Variants in MAGI1 observed in about 807,000 individuals in gnomAD.
MAGI1 encodes membrane associated guanylate kinase, WW and PDZ domain containing 1.
In MAGI1, 58 loss-of-function variants were observed where a neutral mutation model predicts 139.9. The observed-to-expected ratio is 0.41, with a 90% confidence interval of 0.34 to 0.52. The LOEUF is 0.52. Among genes scored for constraint, MAGI1 ranks in the 20% least tolerant of loss-of-function variants. The pLI is 0.12. For missense variants in MAGI1, 1,874 were observed against 1,901.6 expected, an observed-to-expected ratio of 0.99 and a Z score of 0.27; for synonymous variants, 812 against 737.9, an observed-to-expected ratio of 1.10 and a Z score of -1.63.
intron 1 of MAGI1, among the ~76,000 whole-genome samples, chr3:65,887,801 T>C (rs1382525325): frequency 2.0e-5 from 3 of 152,176 alleles, no homozygotes; most frequent in Admixed American, 6.5e-5. Flanking sequence ...ATATGGTACA[T>C]TGCCCATTAT....
At chr3:65,601,103 G>A (rs1430041700) in intron 2 of MAGI1, among the ~76,000 whole-genome samples, 1 of 152,154 alleles carries the variant, frequency 6.6e-6, no homozygotes, top group Non-Finnish European at 1.5e-5. Flanking sequence ...ATTATTACTG[G>A]CACATCAACA....
intron 12 of MAGI1, among the ~76,000 whole-genome samples, chr3:65,425,585 C>A (rs1451697758): frequency 1.3e-5 from 2 of 152,154 alleles, no homozygotes; most frequent in African/African-American, 4.8e-5. Flanking sequence ...TATGCAGAAG[C>A]TTACGGGCAG....
chr3:65,785,245 A>G (rs908633195), intron 1 of MAGI1, among the ~76,000 whole-genome samples: 1 of 152,220 alleles, frequency 6.6e-6, no homozygotes, highest in African/African-American at 2.4e-5. Flanking sequence ...GGAGAAGCAT[A>G]TATAACCACA....
chr3:65,724,308 G>A (rs571648711), intron 1 of MAGI1, among the ~76,000 whole-genome samples: 6 of 152,196 alleles, frequency 3.9e-5, no homozygotes, highest in Non-Finnish European at 5.9e-5. Context: ...TCAGGTTTTT[G>A]TCAGAATGGC....
At position 65,941,959 on chromosome 3, in the gene MAGI1, T is replaced by C. The variant is rs148031790; in HGVS notation, c.313+96037A>G. Among the ~76,000 whole-genome samples the C allele has an allele frequency of 1.1e-3, 169 of 152,304 alleles. 1 individual carries two copies. Among genetic ancestry groups the C allele is most frequent in the African/African-American group, 3.9e-3 (163 of 41,578 alleles). On this transcript the variant is annotated intron_variant, in intron 1 of 22. Coordinates refer to ENST00000402939, the MANE Select transcript of MAGI1 (RefSeq NM_001033057.2). ...CATGAGCCATCATCCCAACTATTTT[T>C]ATTTTTTGTAGAGACAGGGGTTTCG... is the stretch of plus-strand genomic sequence containing the variant.
intron 12 of MAGI1, among the ~76,000 whole-genome samples, chr3:65,412,523 CTATTT>C (rs1277681262): frequency 1.3e-5 from 2 of 152,114 alleles, no homozygotes; most frequent in African/African-American, 4.8e-5. Flanking sequence ...GGGACCTATT[CTATTT>C]TATCGGTCTA....
Position 65,978,621 on chromosome 3 carries a change from CTTTTTT to C in MAGI1, c.313+59369_313+59374del, listed in dbSNP as rs373662388. ...AATGGGGTGACTCAGCTCAAAATTTCTTTTTTTTTTTTTTTTTTCTTTTTGAGATGG... is the reference window on the plus strand; with the variant it reads ...AATGGGGTGACTCAGCTCAAAATTTCTTTTTTTTTTTTCTTTTTGAGATGG... On this transcript the variant is annotated intron_variant, in intron 1 of 22. Transcript: ENST00000402939. Among the ~76,000 whole-genome samples, 123 of 129,160 alleles carry C rather than the reference CTTTTTT, an allele frequency of 9.5e-4. 1 individual carries two copies. The highest frequency in any genetic ancestry group is 3.4e-3 in the African/African-American group (117 of 34,338). 84.7% of individuals were successfully genotyped at this position (129,160 alleles called of 152,430 possible).
rs529894915 is a variant in MAGI1, at chr3:65,924,319, C to T, written c.313+113677G>A. ...GCCTTCCAGAGAAGCTACTAAAATG[C>T]CCGAATTAAGAAAGGTCGGTCTACA... is the stretch of plus-strand genomic sequence containing the variant. On this transcript the variant is annotated intron_variant, in intron 1 of 22. Coordinates refer to ENST00000402939, the MANE Select transcript of MAGI1 (RefSeq NM_001033057.2). 1.8e-4 allele frequency among the ~76,000 whole-genome samples: 27 copies of T among 152,296 alleles called. No individual in the cohort carries two copies. In the South Asian group the frequency reaches 2.7e-3, roughly 15 times the overall value.
At chr3:65,832,057 G>A (rs1014541038) in intron 1 of MAGI1, among the ~76,000 whole-genome samples, 5 of 152,150 alleles carry the variant, frequency 3.3e-5, no homozygotes, top group Non-Finnish European at 7.3e-5. Context: ...ATTCAAGAGT[G>A]CCTTTTGGTC....
intron 1 of MAGI1, among the ~76,000 whole-genome samples, chr3:65,849,474 T>TATATATAC (rs2059129414): frequency 6.8e-6 from 1 of 146,082 alleles, no homozygotes; most frequent in South Asian, 2.2e-4. Flanking sequence ...CTTTCATATA[T>TATATATAC]ATATATATAT....
chr3:65,794,041 T>G (rs2039963147), intron 1 of MAGI1, among the ~76,000 whole-genome samples: 1 of 152,176 alleles, frequency 6.6e-6, no homozygotes, highest in African/African-American at 2.4e-5. Flanking sequence ...TATCTGTGAT[T>G]TATTGCGCTA....
At chr3:65,978,540 C>G (rs2065378735) in intron 1 of MAGI1, among the ~76,000 whole-genome samples, 1 of 152,162 alleles carries the variant, frequency 6.6e-6, no homozygotes, top group Non-Finnish European at 1.5e-5. Flanking sequence ...GATCCTATCC[C>G]CCATTCCTAA....
chr3:66,038,652 T>C lies in MAGI1; in HGVS notation c.-344A>G, dbSNP rs1559519558. On this transcript the variant is annotated 5_prime_UTR_variant, in exon 1 of 23. Transcript: ENST00000402939. The stretch of plus-strand genomic sequence containing the variant: ...TTTTTTTCCTTCCTTCCTTTCTCTC[T>C]TGCCTTTTACAAATGCGGTGCCTCC... The C allele has an allele frequency of 4.3e-6, 1 of 231,138 alleles. No individual in the cohort carries two copies. Among genetic ancestry groups the C allele is most frequent in the Non-Finnish European group, 8.3e-6 (1 of 120,072 alleles). 14.3% of individuals were successfully genotyped at this position (231,138 alleles called of 1,614,324 possible).
intron 1 of MAGI1, among the ~76,000 whole-genome samples, chr3:66,036,317 A>C (rs566369390): frequency 5.0e-4 from 76 of 152,332 alleles, no homozygotes; most frequent in African/African-American, 1.7e-3. Context: ...TGTGAGGAAG[A>C]CGCATTGTCA....
chr3:65,442,719 G>T, intron 8 of MAGI1, 73 bp downstream of exon 8: 2 of 1,070,166 alleles, frequency 1.9e-6, no homozygotes, highest in African/African-American at 1.6e-5. Context: ...ATGATGTCAG[G>T]CTGTACTTAA....
At chr3:65,842,675 C>G (rs1420457234) in intron 1 of MAGI1, among the ~76,000 whole-genome samples, 1 of 152,122 alleles carries the variant, frequency 6.6e-6, no homozygotes, top group Non-Finnish European at 1.5e-5. Flanking sequence ...ATGTGTACTT[C>G]TAACATAAAA....
At chr3:65,754,823 T>C (rs1355890280) in intron 1 of MAGI1, among the ~76,000 whole-genome samples, 1 of 152,226 alleles carries the variant, frequency 6.6e-6, no homozygotes, top group East Asian at 1.9e-4. Context: ...TAAACTTAAT[T>C]TGGAGTAAGT....
chr3:66,031,651 C>G (rs750313367), intron 1 of MAGI1, among the ~76,000 whole-genome samples: 16 of 150,844 alleles, frequency 1.1e-4, no homozygotes, highest in Non-Finnish European at 2.2e-4. Context: ...CTTTTGGCAC[C>G]AAGAACAAAA....
chr3:65,979,296 G>A (rs1357959338), intron 1 of MAGI1, among the ~76,000 whole-genome samples: 1 of 151,892 alleles, frequency 6.6e-6, no homozygotes, highest in Non-Finnish European at 1.5e-5. Flanking sequence ...ACATTCCCGG[G>A]GTGGAAAAGT....
Sources: allele counts gnomAD v4.1 joint callset (sites outside exome capture counted in the v4.1 genomes callset), GRCh38; gene constraint gnomAD v4.1.1; transcripts MANE v1.5; gene names NCBI Gene and HGNC (gene_info 2026-07-23, HGNC 2026-07-21).